Variants in TENM3 observed in about 807,000 individuals in gnomAD.
The protein encoded by TENM3 is teneurin transmembrane protein 3, also known as teneurin-3.
Under a neutral mutation model 255.1 loss-of-function variants are expected in TENM3, and 63 were observed. The ratio of observed to expected loss-of-function variants is 0.25; its 90% CI spans 0.20 to 0.30. The LOEUF (loss-of-function observed/expected upper bound fraction) is 0.30, where lower values mean the gene tolerates loss of function less well. TENM3 is among the 10% of genes least tolerant of loss of function. The pLI is 1.00. For synonymous variants in TENM3, 1,306 were observed against 1,322.3 expected (o/e 0.99, Z 0.27); for missense variants, 2,929 against 3,461.1 (o/e 0.85, Z 3.86).
At chr4:182,652,219 A>G (rs1753371072) in intron 5 of TENM3, among the ~76,000 whole-genome samples, 1 of 152,240 alleles carries the variant, frequency 6.6e-6, no homozygotes, top group South Asian at 2.1e-4. Context: ...TGTCTTATAA[A>G]TGAGATACGA....
chr4:181,919,972 G>T, the TENM3 span, among the ~76,000 whole-genome samples: 1 of 146,192 alleles, frequency 6.8e-6, no homozygotes, highest in Non-Finnish European at 1.5e-5. Flanking sequence ...CTATGAGTGA[G>T]AATATGCAGT....
chr4:182,583,579 GTCT>G lies in TENM3; in HGVS notation c.512-17340_512-17338del, dbSNP rs778410017. ...AGTAAAAATATCAAATATAAGAATC[GTCT>G]TCTTTTCATTTATATCTCCCTAATT... On this transcript the variant is annotated intron_variant, in intron 3 of 27. Coordinates refer to ENST00000511685, the MANE Select transcript of TENM3 (RefSeq NM_001080477.4). Among the ~76,000 whole-genome samples, 639 of 151,860 alleles carry G rather than the reference GTCT, an allele frequency of 4.2e-3. 7 individuals are homozygous for G. The highest frequency in any genetic ancestry group is 5.5e-3 in the Non-Finnish European group (371 of 67,946).
At chr4:181,817,659 G>A in the TENM3 span, among the ~76,000 whole-genome samples, 13 of 152,218 alleles carry the variant, frequency 8.5e-5, no homozygotes, top group South Asian at 2.1e-4. Flanking sequence ...TATTAGACGC[G>A]CTTATAAAAG....
chr4:182,160,091 T>C (rs149112092), intron 1 of TENM3, among the ~76,000 whole-genome samples: 2,787 of 149,720 alleles, frequency 0.019, 105 homozygotes, highest in Middle Eastern at 0.035. Flanking sequence ...CAAGCTCCGC[T>C]TCCCGGGTTC....
the TENM3 span, among the ~76,000 whole-genome samples, chr4:181,478,361 T>G: frequency 6.6e-6 from 1 of 152,224 alleles, no homozygotes; most frequent in African/African-American, 2.4e-5. Flanking sequence ...AAATGGCATC[T>G]TTAAGTGAAC....
rs182309315 is a variant in TENM3 at position 182,151,789 on chromosome 4, A to C, written c.-76+7035A>C. Among the ~76,000 whole-genome samples the C allele has an allele frequency of 1.6e-3, 243 of 151,910 alleles. 1 individual carries two copies. The highest frequency in any genetic ancestry group is 5.4e-3 in the African/African-American group (226 of 41,504). The stretch of plus-strand genomic sequence containing the variant: ...AAAACTTTAAAATTTTTTCACTTAA[A>C]TTTTGTGTAATGATGAGAATAGTTG... On this transcript the variant is annotated intron_variant, in intron 1 of 2. Transcript: ENST00000512480.
chr4:181,620,404 C>A, the TENM3 span, among the ~76,000 whole-genome samples: 3 of 152,126 alleles, frequency 2.0e-5, no homozygotes. Flanking sequence ...GGAACTGGCA[C>A]GCACAAAAGG....
chr4:182,549,865 T>A (rs1741828779), intron 3 of TENM3, among the ~76,000 whole-genome samples: 1 of 152,182 alleles, frequency 6.6e-6, no homozygotes. Context: ...TTGACTTTTT[T>A]CCCTTTTTAA....
chr4:182,071,555 C>T, the TENM3 span, among the ~76,000 whole-genome samples: 1 of 151,332 alleles, frequency 6.6e-6, no homozygotes, highest in Non-Finnish European at 1.5e-5. Context: ...AAGCAATTCT[C>T]CTGCCTCAGC....
intron 3 of TENM3, among the ~76,000 whole-genome samples, chr4:182,360,558 C>G (rs1386705647): frequency 5.9e-5 from 9 of 151,434 alleles, no homozygotes; most frequent in African/African-American, 1.7e-4. Context: ...GCCTTTTTTT[C>G]TTTTCCATTT....
chr4:182,066,837 G>A, the TENM3 span, among the ~76,000 whole-genome samples: 1 of 152,174 alleles, frequency 6.6e-6, no homozygotes, highest in Admixed American at 6.5e-5. Context: ...CGTGAACCCG[G>A]GAGGCGGAGC....
At chr4:182,366,664 G>C (rs1355469602) in intron 3 of TENM3, among the ~76,000 whole-genome samples, 1 of 152,060 alleles carries the variant, frequency 6.6e-6, no homozygotes, top group Non-Finnish European at 1.5e-5. Context: ...AATATAATAG[G>C]TTTAAATACT....
the TENM3 span, among the ~76,000 whole-genome samples, chr4:182,091,170 G>T: frequency 6.6e-6 from 1 of 152,170 alleles, no homozygotes; most frequent in Admixed American, 6.5e-5. Flanking sequence ...GCAAGAGTCC[G>T]CCCTTAGAGC....
chr4:182,353,902 T>C (rs1308975966), intron 3 of TENM3, among the ~76,000 whole-genome samples: 1 of 151,574 alleles, frequency 6.6e-6, no homozygotes, highest in Non-Finnish European at 1.5e-5. Flanking sequence ...GAGGTGGAGG[T>C]TGCAGTGAGC....
the TENM3 span, among the ~76,000 whole-genome samples, chr4:181,703,987 T>A: frequency 1.3e-5 from 2 of 152,138 alleles, no homozygotes; most frequent in Non-Finnish European, 2.9e-5. Context: ...AGGAACGGAA[T>A]GACACATAGA....
chr4:182,623,111 C>T (rs575151847), intron 4 of TENM3, among the ~76,000 whole-genome samples: 15 of 149,830 alleles, frequency 1.0e-4, no homozygotes, highest in East Asian at 8.0e-4. Flanking sequence ...TCCAGGTTCA[C>T]GCCATTCTCC....
In TENM3 at chr4:182,696,460, C is replaced by T. The variant is rs185263119; in HGVS notation, c.2221+8109C>T. 4.1e-3 allele frequency among the ~76,000 whole-genome samples: 617 copies of T among 152,314 alleles called. 2 individuals are homozygous for T. Among genetic ancestry groups the T allele is most frequent in the African/African-American group, 0.014 (589 of 41,578 alleles). ...ATGGATATGGGGCCGGGCACAGTGG[C>T]TCATGCCTGTAATCCCAGCACTTTG... On this transcript the variant is annotated intron_variant, in intron 12 of 27. Coordinates refer to ENST00000511685, the MANE Select transcript of TENM3 (RefSeq NM_001080477.4).
intron 3 of TENM3, chr4:182,349,859 A>G: frequency 2.6e-6 from 1 of 381,010 alleles, no homozygotes; most frequent in South Asian, 2.0e-5. Flanking sequence ...GTGTTCTTGG[A>G]AGTTCTATTG....
chr4:182,176,351 T>C (rs1752489219), intron 1 of TENM3, among the ~76,000 whole-genome samples: 1 of 152,184 alleles, frequency 6.6e-6, no homozygotes, highest in South Asian at 2.1e-4. Context: ...TGTGATTCAG[T>C]GTCACTGTGT....
Sources: gnomAD v4.1 joint callset for allele counts (sites outside exome capture counted in the v4.1 genomes callset) on GRCh38, gnomAD v4.1.1 for gene constraint, MANE v1.5 for transcripts, NCBI Gene and HGNC (gene_info 2026-07-23, HGNC 2026-07-21) for gene names.